Variants in TBC1D30 observed in about 807,000 individuals in gnomAD.
TBC1D30 encodes TBC1 domain family member 30.
In TBC1D30, 31 loss-of-function variants were observed where a neutral mutation model predicts 63.2. That is an observed-to-expected ratio of 0.49 (90% CI 0.37 to 0.66). TBC1D30 has a LOEUF of 0.66. Among genes scored for constraint, TBC1D30 ranks in the 30% least tolerant of loss-of-function variants. The probability of loss-of-function intolerance (pLI) is 0.00; values close to 1 mark genes in which losing one functional copy is unlikely to be tolerated. For missense variants in TBC1D30, 810 were observed against 953.6 expected, an observed-to-expected ratio of 0.85 and a Z score of 1.98; for synonymous variants, 307 against 361.5, an observed-to-expected ratio of 0.85 and a Z score of 1.71.
chr12:64,868,977 A>AT (rs1216949986), intron 10 of TBC1D30, among the ~76,000 whole-genome samples: 1,786 of 143,864 alleles, frequency 0.012, 27 homozygotes, highest in African/African-American at 0.041. Flanking sequence ...GTTTTATTTC[A>AT]TTTTTTTTTT....
At chr12:64,795,505 CA>C (rs1872198462) in intron 2 of TBC1D30, among the ~76,000 whole-genome samples, 1 of 152,206 alleles carries the variant, frequency 6.6e-6, no homozygotes, top group African/African-American at 2.4e-5. Context: ...TACTTCTCAA[CA>C]GCCTTCTCCC....
chr12:64,765,355 G>C (rs1459742757), intron 1 of TBC1D30, among the ~76,000 whole-genome samples: 2 of 151,684 alleles, frequency 1.3e-5, no homozygotes, highest in South Asian at 2.1e-4. Flanking sequence ...TGGGCATGGT[G>C]GCGGGTGCCT....
chr12:64,785,629 G>A (rs1045942706), intron 1 of TBC1D30, among the ~76,000 whole-genome samples: 2 of 152,256 alleles, frequency 1.3e-5, no homozygotes, highest in East Asian at 1.9e-4. Context: ...AAAAGTAGGA[G>A]TTTTTGCTCC....
intron 1 of TBC1D30, among the ~76,000 whole-genome samples, chr12:64,767,768 A>G (rs1308932781): frequency 9.4e-6 from 1 of 106,518 alleles, no homozygotes; most frequent in Non-Finnish European, 1.7e-5. Context: ...GGACACCTTG[A>G]TAAGATACAC....
chr12:64,776,291 G>GA (rs1871077811), upstream of TBC1D30, among the ~76,000 whole-genome samples: 1 of 152,166 alleles, frequency 6.6e-6, no homozygotes, highest in Middle Eastern at 3.4e-3. Context: ...AGATAGTCAT[G>GA]AAAAATCATT....
At chr12:64,839,377 T>G (rs146596563) in intron 7 of TBC1D30, among the ~76,000 whole-genome samples, 3 of 152,238 alleles carry the variant, frequency 2.0e-5, no homozygotes, top group African/African-American at 7.2e-5. Context: ...TATTACCAAA[T>G]AGATTTTGCT....
At chr12:64,824,600 TCGC>T (rs1874124234), upstream of TBC1D30, 1 of 317,156 alleles carries the variant, frequency 3.2e-6, no homozygotes, top group African/African-American at 2.2e-5. Context: ...ACGCGCTCGC[TCGC>T]TCGCTCGCTC....
chr12:64,875,924 G>A lies in TBC1D30; in HGVS notation c.*136G>A, dbSNP rs1431644978. 2 of 917,942 alleles carry A rather than the reference G, an allele frequency of 2.2e-6. No individual in the cohort carries two copies. Among genetic ancestry groups the A allele is most frequent in the Admixed American group, 3.3e-5 (1 of 30,284 alleles). The allele number at this position is 917,942 out of a possible 1,614,324, so 56.9% of individuals were successfully genotyped here. A position where few individuals can be genotyped will look rare whatever the true frequency, so the allele number is the denominator to read the frequency against. Reference sequence around the variant, plus strand: ...GGATGAGCAACAGCCCATAAAAAATGGGAACTGGAAGTTTTATAATAGGAG... The same window carrying A: ...GGATGAGCAACAGCCCATAAAAAATAGGAACTGGAAGTTTTATAATAGGAG... On this transcript the variant is annotated 3_prime_UTR_variant, in exon 12 of 12. Transcript: ENST00000539867.
At chr12:64,868,434 AGTTTGG>A in intron 10 of TBC1D30, 1 of 224,924 alleles carries the variant, frequency 4.4e-6, no homozygotes, top group South Asian at 6.5e-5. Flanking sequence ...GGAAAATGAC[AGTTTGG>A]GTTCTGTAAG....
rs1365149208 is a variant in TBC1D30, at chr12:64,878,664, G to A, written c.*2876G>A. On this transcript the variant is annotated 3_prime_UTR_variant, in exon 12 of 12. Transcript: ENST00000539867. ...CTGCCATTTTCTGAGTGCAAGCATG[G>A]AACACTGTTGTGACAGTCCCTTCTC... The A allele has an allele frequency of 2.4e-6, 1 of 414,020 alleles. No individual in the cohort carries two copies. Among genetic ancestry groups the A allele is most frequent in the East Asian group, 7.1e-5 (1 of 14,058 alleles). The allele number at this position is 414,020 out of a possible 1,614,324, so 25.6% of individuals were successfully genotyped here.
Position 64,877,075 on chromosome 12 carries a change from C to T in TBC1D30, c.*1287C>T, listed in dbSNP as rs1565697653. On this transcript the variant is annotated 3_prime_UTR_variant, in exon 12 of 12. Coordinates refer to ENST00000539867, the MANE Select transcript of TBC1D30 (RefSeq NM_015279.2). Reference sequence around the variant, plus strand: ...TGGGAAGCCATTCACTAAAATCCCTCCTGACTCAAAGGACCTGTCTCCAGA... The same window carrying T: ...TGGGAAGCCATTCACTAAAATCCCTTCTGACTCAAAGGACCTGTCTCCAGA... 2.8e-6 allele frequency: 1 copy of T among 361,448 alleles called. No homozygotes were observed. The highest frequency in any genetic ancestry group is 5.5e-6 in the Non-Finnish European group (1 of 180,704). The allele number at this position is 361,448 out of a possible 1,614,324, so 22.4% of individuals were successfully genotyped here.
At chr12:64,792,796 A>G (rs1872003760) in intron 2 of TBC1D30, among the ~76,000 whole-genome samples, 1 of 152,046 alleles carries the variant, frequency 6.6e-6, no homozygotes, top group African/African-American at 2.4e-5. Context: ...CTGGTCTTAA[A>G]CCCATGACCT....
At chr12:64,833,865 C>A (rs1356432297) in intron 5 of TBC1D30, among the ~76,000 whole-genome samples, 1 of 75,328 alleles carries the variant, frequency 1.3e-5, no homozygotes, top group East Asian at 9.3e-4. Context: ...CAGCTTTCAT[C>A]AGTTTTTTTT....
chr12:64,850,225 C>A (rs1365402796), intron 8 of TBC1D30, among the ~76,000 whole-genome samples: 1 of 152,162 alleles, frequency 6.6e-6, no homozygotes, highest in Non-Finnish European at 1.5e-5. Context: ...CAAACAGAAA[C>A]AATTTGACTT....
At chr12:64,825,259 G>A (rs750352144) in intron 1 of TBC1D30, 2 of 499,206 alleles carry the variant, frequency 4.0e-6, no homozygotes, top group South Asian at 4.2e-5. Flanking sequence ...CGGAGAACCC[G>A]CTGCTTCCAC....
At chr12:64,798,263 A>G (rs1229198640) in intron 2 of TBC1D30, among the ~76,000 whole-genome samples, 1 of 152,232 alleles carries the variant, frequency 6.6e-6, no homozygotes, top group African/African-American at 2.4e-5. Context: ...AAATTACAGT[A>G]TAATAGTTCT....
chr12:64,769,278 T>C (rs1472112346), intron 1 of TBC1D30, among the ~76,000 whole-genome samples: 3 of 151,998 alleles, frequency 2.0e-5, no homozygotes, highest in Admixed American at 6.6e-5. Context: ...CCATCTTGGC[T>C]CACTGCAACC....
intron 2 of TBC1D30, among the ~76,000 whole-genome samples, chr12:64,790,379 T>A (rs540004430): frequency 4.6e-5 from 7 of 152,328 alleles, no homozygotes; most frequent in African/African-American, 1.2e-4. Context: ...GATTTTTAAG[T>A]GGCTTGCTTA....
intron 4 of TBC1D30, 125 bp from the exon 5 acceptor site, chr12:64,831,994 A>G (rs1874897592): frequency 1.1e-6 from 1 of 895,378 alleles, no homozygotes; most frequent in Non-Finnish European, 1.6e-6. Context: ...GTATAAAAAC[A>G]TACACATTTT....
Sources: gnomAD v4.1 joint callset for allele counts (sites outside exome capture counted in the v4.1 genomes callset) on GRCh38, gnomAD v4.1.1 for gene constraint, MANE v1.5 for transcripts, NCBI Gene and HGNC (gene_info 2026-07-23, HGNC 2026-07-21) for gene names.